SIK3: variants seen among roughly 807,000 people sequenced by gnomAD.
The protein encoded by SIK3 is SIK family kinase 3.
In SIK3, 28 loss-of-function variants were observed where a neutral mutation model predicts 144.2. That is an observed-to-expected ratio of 0.19 (90% CI 0.14 to 0.27). The LOEUF (loss-of-function observed/expected upper bound fraction) is 0.27. Ranked by LOEUF, SIK3 falls within the 10% of genes least tolerant of loss-of-function variation. The pLI is 1.00. For missense variants in SIK3, 1,319 were observed against 1,776.0 expected (o/e 0.74, Z 4.62); for synonymous variants, 686 against 676.3 (o/e 1.01, Z -0.22).
intron 3 of SIK3, among the ~76,000 whole-genome samples, chr11:116,929,746 G>C (rs1037154747): frequency 6.6e-6 from 1 of 152,234 alleles, no homozygotes; most frequent in Non-Finnish European, 1.5e-5. Flanking sequence ...CTGATTAAGA[G>C]TATCATACGT....
intron 1 of SIK3, among the ~76,000 whole-genome samples, chr11:117,028,168 A>G (rs1952101408): frequency 6.6e-6 from 1 of 152,218 alleles, no homozygotes; most frequent in African/African-American, 2.4e-5. Context: ...TTAAAATTAT[A>G]TCAACACTAA....
chr11:117,059,377 A>C (rs1009153943), intron 1 of SIK3, among the ~76,000 whole-genome samples: 1 of 152,104 alleles, frequency 6.6e-6, no homozygotes, highest in Non-Finnish European at 1.5e-5. Context: ...ATATGGAATA[A>C]AACAGGATGT....
chr11:117,009,007 G>A (rs138181556), intron 1 of SIK3, among the ~76,000 whole-genome samples: 10,942 of 152,102 alleles, frequency 0.072, 480 homozygotes, highest in African/African-American at 0.11. Flanking sequence ...GGCCGAGGCA[G>A]GTGGATCACC....
At chr11:117,083,289 T>C (rs1467122237) in intron 1 of SIK3, among the ~76,000 whole-genome samples, 1 of 152,054 alleles carries the variant, frequency 6.6e-6, no homozygotes, top group African/African-American at 2.4e-5. Flanking sequence ...CAAAGGCCAA[T>C]GAGTAACATG....
chr11:116,903,104 G>A (rs888601877), intron 4 of SIK3, among the ~76,000 whole-genome samples: 36 of 152,092 alleles, frequency 2.4e-4, no homozygotes, highest in African/African-American at 6.3e-4. Context: ...TAAATTATCC[G>A]TGTGGGAAAG....
At chr11:117,013,915 G>GGTGTGTGT (rs71037441) in intron 1 of SIK3, among the ~76,000 whole-genome samples, 26 of 23,572 alleles carry the variant, frequency 1.1e-3, no homozygotes, top group Admixed American at 2.4e-3. Context: ...GGGGGGGGAG[G>GGTGTGTGT]GTGTGTGTGT....
At chr11:116,946,335 AC>A (rs1439419620) in intron 3 of SIK3, among the ~76,000 whole-genome samples, 3 of 152,084 alleles carry the variant, frequency 2.0e-5, no homozygotes, top group African/African-American at 7.3e-5. Flanking sequence ...AAGATAGGAA[AC>A]CCCTCTGTCA....
At position 116,863,684 on chromosome 11, in the gene SIK3, A is replaced by C; in HGVS notation, c.2087T>G (p.Ile696Ser). 2 of 1,614,078 alleles carry C rather than the reference A, an allele frequency of 1.2e-6. No individual in the cohort carries two copies. The highest frequency in any genetic ancestry group is 1.7e-6 in the Non-Finnish European group (2 of 1,180,002). The stretch of plus-strand genomic sequence containing the variant: ...TTCCATTACCTGCTGCAGCTGTTTG[A>C]TGCTGCTGTTGTTGCCCATTTTTTC... ...HLEKMGNNSS[I>S]KQLQQECEQL... Residue 696 changes from isoleucine to serine, a missense_variant, in exon 16 of 25, where the codon ATC becomes AGC. Ile to Ser is a moderately radical substitution (Grantham distance 142, BLOSUM62 -2). This residue lies in a region of SIK3 where 77 missense variants were observed against 141.9 expected (regional missense o/e 0.54). Transcript: ENST00000445177.
intron 1 of SIK3, among the ~76,000 whole-genome samples, chr11:117,086,936 A>C (rs942771752): frequency 6.7e-6 from 1 of 150,176 alleles, no homozygotes. Context: ...CAGAGGTTGC[A>C]GTGAGCCAAG....
At chr11:117,026,063 G>A (rs1951996569) in intron 1 of SIK3, among the ~76,000 whole-genome samples, 1 of 152,172 alleles carries the variant, frequency 6.6e-6, no homozygotes, top group Non-Finnish European at 1.5e-5. Context: ...GTCTATCCAA[G>A]CCAAAAGGGG....
intron 1 of SIK3, among the ~76,000 whole-genome samples, chr11:117,000,965 A>T (rs1950828359): frequency 6.6e-6 from 1 of 152,222 alleles, no homozygotes; most frequent in Non-Finnish European, 1.5e-5. Context: ...TCTATCCATT[A>T]AACAGTGTTC....
intron 1 of SIK3, among the ~76,000 whole-genome samples, chr11:116,974,646 T>C (rs1949885238): frequency 6.6e-6 from 1 of 152,158 alleles, no homozygotes; most frequent in African/African-American, 2.4e-5. Context: ...TGATCTGCCT[T>C]GGACTCCCAA....
In SIK3 at chr11:116,858,406, A is replaced by G; in HGVS notation, c.3059T>C (p.Leu1020Pro). ...HQQVPHILQG[L>P]LSPRHSLTGH... ...GGTGAGCGAATGCCGGGGAGAAAGCAGTCCTTGAAGGATGTGGGGTACCTG... is the reference window on the plus strand; with the variant it reads ...GGTGAGCGAATGCCGGGGAGAAAGCGGTCCTTGAAGGATGTGGGGTACCTG... Residue 1020 changes from leucine to proline, a missense_variant, in exon 21 of 25, where the codon CTG becomes CCG. Transcript: ENST00000445177. This position sits in a 1 kb window ranked among gnomAD's most constrained non-coding sequence, Gnocchi z 5.4. 1 of 1,612,786 alleles carries G rather than the reference A, an allele frequency of 6.2e-7. No individual in the cohort carries two copies. The highest frequency in any genetic ancestry group is 8.5e-7 in the Non-Finnish European group (1 of 1,179,322).
intron 1 of SIK3, among the ~76,000 whole-genome samples, chr11:117,095,192 TAAAAAAAAAAA>T (rs3057848): frequency 8.2e-6 from 1 of 122,176 alleles, no homozygotes. Flanking sequence ...CATGTGTGTT[TAAAAAAAAAAA>T]AAAAAAAAAA....
At chr11:116,952,652 C>A (rs1291653662) in intron 3 of SIK3, among the ~76,000 whole-genome samples, 2 of 152,150 alleles carry the variant, frequency 1.3e-5, no homozygotes, top group Non-Finnish European at 2.9e-5. Context: ...AACCAAACTG[C>A]CATCTGCACT....
At chr11:116,964,885 A>T (rs952171170) in intron 1 of SIK3, among the ~76,000 whole-genome samples, 8 of 150,862 alleles carry the variant, frequency 5.3e-5, no homozygotes, top group African/African-American at 1.5e-4. Flanking sequence ...TCCATCTCAA[A>T]AATAATAATA....
At position 116,896,290 on chromosome 11, in the gene SIK3, C is replaced by T. The variant is rs1160482364; in HGVS notation, c.828G>A (p.Leu276=). Residue 276 remains leucine (L), a synonymous_variant, in exon 6 of 25, where the codon CTG becomes CTA. Transcript: ENST00000445177. ...STLQNLRARV[L]SGKFRIPFFM... Reference sequence around the variant, plus strand: ...AAAATGGGATGCGGAACTTTCCACTCAGCACGCGGGCCCGCAGATTCTGCA... The same window carrying T: ...AAAATGGGATGCGGAACTTTCCACTTAGCACGCGGGCCCGCAGATTCTGCA... 1.2e-6 allele frequency: 2 copies of T among 1,613,940 alleles called. No individual in the cohort carries two copies. The highest frequency in any genetic ancestry group is 1.3e-5 in the African/African-American group (1 of 75,048).
chr11:116,998,269 A>G (rs1591507022), intron 1 of SIK3, among the ~76,000 whole-genome samples: 1 of 152,080 alleles, frequency 6.6e-6, no homozygotes, highest in African/African-American at 2.4e-5. Context: ...CAGGAGTTTG[A>G]AACCAGCCTG....
chr11:116,849,406 G>T lies in SIK3; in HGVS notation c.3656-123C>A. On this transcript the variant is annotated intron_variant, in intron 21 of 24. Coordinates refer to ENST00000445177, the MANE Select transcript of SIK3 (RefSeq NM_001366686.3). This position sits in a 1 kb window ranked among gnomAD's most constrained non-coding sequence, Gnocchi z 4.2. ...GCTGAGGAGATCATGTACACCAACC[G>T]CTGATCCTCAGCCGGCGTCATGGCT... is the stretch of plus-strand genomic sequence containing the variant. 8.5e-7 allele frequency: 1 copy of T among 1,172,268 alleles called. No individual in the cohort carries two copies. Among genetic ancestry groups the T allele is most frequent in the Non-Finnish European group, 1.2e-6 (1 of 830,280 alleles). 72.6% of individuals were successfully genotyped at this position (1,172,268 alleles called of 1,614,324 possible).
Sources: gnomAD v4.1 joint callset for allele counts (sites outside exome capture counted in the v4.1 genomes callset) on GRCh38, gnomAD v4.1.1 for gene constraint, gnomAD v4.1.1 regional missense constraint, Gnocchi (gnomAD v3.1) non-coding constraint, MANE v1.5 for transcripts, NCBI Gene and HGNC (gene_info 2026-07-23, HGNC 2026-07-21) for gene names.